AGGF1: variants seen among roughly 807,000 people sequenced by gnomAD.
The protein encoded by AGGF1 is angiogenic factor with G patch and FHA domains 1.
A neutral mutation model predicts 86.5 loss-of-function variants in AGGF1; 56 were observed. The observed-to-expected ratio is 0.65, with a 90% confidence interval of 0.52 to 0.81. The LOEUF (loss-of-function observed/expected upper bound fraction) is 0.81, where lower values mean the gene tolerates loss of function less well. AGGF1 is among the 30% of genes least tolerant of loss of function. AGGF1 has a pLI of 0.00. For missense variants in AGGF1, 816 were observed against 850.9 expected, an observed-to-expected ratio of 0.96 and a Z score of 0.51; for synonymous variants, 313 against 297.1, an observed-to-expected ratio of 1.05 and a Z score of -0.55.
At chr5:77,033,893 A>G (rs919294369) in intron 1 of AGGF1, among the ~76,000 whole-genome samples, 1 of 152,198 alleles carries the variant, frequency 6.6e-6, no homozygotes, top group Non-Finnish European at 1.5e-5. Context: ...TGTGAAGTAC[A>G]TGGAGGACAG....
At chr5:77,061,114 A>G (rs1005568587) in intron 12 of AGGF1, among the ~76,000 whole-genome samples, 2 of 152,202 alleles carry the variant, frequency 1.3e-5, no homozygotes, top group Admixed American at 6.5e-5. Context: ...TTATAAGTAT[A>G]TAGCTCAATG....
chr5:77,061,945 A>G (rs1463862923), intron 13 of AGGF1, 143 bp downstream of exon 13: 1 of 753,936 alleles, frequency 1.3e-6, no homozygotes, highest in Non-Finnish European at 2.3e-6. Flanking sequence ...GGCATTCACA[A>G]TTACCAAATA....
intron 5 of AGGF1, among the ~76,000 whole-genome samples, chr5:77,043,855 T>G (rs1176603800): frequency 8.2e-6 from 1 of 122,640 alleles, no homozygotes; most frequent in Non-Finnish European, 1.8e-5. Context: ...GTCTCCTCAC[T>G]TCTCAGACGG....
At chr5:77,050,280 T>C (rs1042429900) in intron 8 of AGGF1, among the ~76,000 whole-genome samples, 2 of 150,552 alleles carry the variant, frequency 1.3e-5, no homozygotes, top group Non-Finnish European at 3.0e-5. Flanking sequence ...GATAGTTCTA[T>C]GGTGGCTTTT....
chr5:77,036,078 C>G (rs1746962666), intron 3 of AGGF1: 1 of 282,484 alleles, frequency 3.5e-6, no homozygotes, highest in African/African-American at 2.3e-5. Flanking sequence ...TCCTTTATGT[C>G]AGATACCCTG....
At chr5:77,038,596 G>T (rs1747005929) in intron 4 of AGGF1, among the ~76,000 whole-genome samples, 2 of 152,154 alleles carry the variant, frequency 1.3e-5, no homozygotes, top group South Asian at 2.1e-4. Flanking sequence ...TTAAGAGAAA[G>T]ATGGTGAGAA....
In AGGF1 at chr5:77,050,306, C is replaced by CT. The variant is rs10595061; in HGVS notation, c.1365+1348dup. Among the ~76,000 whole-genome samples, 608 of 76,552 alleles carry CT rather than the reference C, an allele frequency of 7.9e-3. 40 individuals are homozygous for CT. Among genetic ancestry groups the CT allele is most frequent in the African/African-American group, 0.014 (237 of 17,298 alleles). 50.2% of individuals were successfully genotyped at this position (76,552 alleles called of 152,430 possible). The stretch of plus-strand genomic sequence containing the variant: ...GGTGGCTTTTTCTTTTTCTTTGTTT[C>CT]TTTTTTTTTTTTTTTTTTTTTTTTT... On this transcript the variant is annotated intron_variant, in intron 8 of 13. Coordinates refer to ENST00000312916, the MANE Select transcript of AGGF1 (RefSeq NM_018046.5).
chr5:77,053,650 A>G (rs1044571391), intron 9 of AGGF1, among the ~76,000 whole-genome samples: 3 of 152,208 alleles, frequency 2.0e-5, no homozygotes, highest in Non-Finnish European at 2.9e-5. Context: ...TTAACATTTC[A>G]TCTTTTTTTA....
chr5:77,062,595 G>A (rs937114648), intron 13 of AGGF1, among the ~76,000 whole-genome samples: 4 of 152,174 alleles, frequency 2.6e-5, no homozygotes, highest in Non-Finnish European at 5.9e-5. Context: ...GTAAATGGTA[G>A]CTTTGAATGT....
intron 11 of AGGF1, among the ~76,000 whole-genome samples, chr5:77,056,251 CAG>C (rs1158792780): frequency 9.9e-6 from 1 of 101,004 alleles, no homozygotes; most frequent in Admixed American, 1.5e-4. Context: ...TTTTTTGAGA[CAG>C]AGTCTTACTC....
Position 77,030,692 on chromosome 5 carries a change from C to G in AGGF1, c.-75C>G. ...TTCGCTGCCCGCGCGCTCCAGTGGT[C>G]TCTGGGTCCGCCGGCGTCCGTTTCG... On this transcript the variant is annotated 5_prime_UTR_variant, in exon 1 of 14. Coordinates refer to ENST00000312916, the MANE Select transcript of AGGF1 (RefSeq NM_018046.5). 6.7e-7 allele frequency: 1 copy of G among 1,498,386 alleles called. No homozygotes were observed. Among genetic ancestry groups the G allele is most frequent in the Non-Finnish European group, 9.0e-7 (1 of 1,117,310 alleles). 92.8% of individuals were successfully genotyped at this position (1,498,386 alleles called of 1,614,324 possible).
At position 77,046,565 on chromosome 5, in the gene AGGF1, G is replaced by A. The variant is rs748473825; in HGVS notation, c.1089G>A (p.Glu363=). Residue 363 remains glutamate, a synonymous_variant, in exon 6 of 14, where the codon GAG becomes GAA. Transcript: ENST00000312916. ...CATTTAAAGATGAGAAAATCATGGA[G>A]ACTGATAGTGAACCAGAGGAAGGTG... The part of the protein sequence containing the change: ...STSFKDEKIM[E]TDSEPEEGEI... 6.2e-7 allele frequency: 1 copy of A among 1,613,840 alleles called. No homozygotes were observed. Among genetic ancestry groups the A allele is most frequent in the Non-Finnish European group, 8.5e-7 (1 of 1,179,858 alleles).
Position 77,039,817 on chromosome 5 carries a change from A to T in AGGF1, c.870+98A>T, listed in dbSNP as rs538342810. 75 of 1,033,546 alleles carry T rather than the reference A, an allele frequency of 7.3e-5. No homozygotes were observed. In the Middle Eastern group the frequency reaches 1.2e-3, roughly 16 times the overall value. 64.0% of individuals were successfully genotyped at this position (1,033,546 alleles called of 1,614,324 possible). A position where few individuals can be genotyped will look rare whatever the true frequency, so the allele number is the denominator to read the frequency against. On this transcript the variant is annotated intron_variant, in intron 5 of 13. Transcript: ENST00000312916. ...ACTGACAATCATTCAATAACTCTGC[A>T]TTTCAAACATACCCATTAAGATAAC...
intron 5 of AGGF1, among the ~76,000 whole-genome samples, chr5:77,042,198 C>G (rs1241827156): frequency 1.3e-5 from 2 of 151,878 alleles, no homozygotes; most frequent in East Asian, 3.9e-4. Flanking sequence ...ATGAAGTCTC[C>G]CATGTCTACT....
At chr5:77,041,008 G>A (rs1427768612) in intron 5 of AGGF1, among the ~76,000 whole-genome samples, 1 of 152,162 alleles carries the variant, frequency 6.6e-6, no homozygotes, top group Non-Finnish European at 1.5e-5. Context: ...GATTATAGGC[G>A]TGAGCCACTG....
chr5:77,052,841 A>T, intron 9 of AGGF1, 34 bp downstream of exon 9: 1 of 1,507,638 alleles, frequency 6.6e-7, no homozygotes, highest in Non-Finnish European at 9.2e-7. Context: ...TTACCTGCAC[A>T]TTATTTTTAA....
At chr5:77,031,125 T>A in intron 1 of AGGF1, 149 bp downstream of exon 1, 1 of 854,222 alleles carries the variant, frequency 1.2e-6, no homozygotes. Context: ...CAGTTACAAT[T>A]CCAAGTACCT....
At position 77,030,486 on chromosome 5, in the gene AGGF1, T is replaced by G; in HGVS notation, c.-281T>G. The G allele has an allele frequency of 1.6e-6, 1 of 629,162 alleles. No homozygotes were observed. The highest frequency in any genetic ancestry group is 3.0e-6 in the Non-Finnish European group (1 of 338,630). 39.0% of individuals were successfully genotyped at this position (629,162 alleles called of 1,614,324 possible). A position where few individuals can be genotyped will look rare whatever the true frequency, so the allele number is the denominator to read the frequency against. Reference sequence around the variant, plus strand: ...CGACTGCTTATCCGACGCTCCTCCCTCTGTCTCTGTAGCTGGAGAAGGTAG... The same window carrying G: ...CGACTGCTTATCCGACGCTCCTCCCGCTGTCTCTGTAGCTGGAGAAGGTAG... On this transcript the variant is annotated 5_prime_UTR_variant, in exon 1 of 14. Coordinates refer to ENST00000312916, the MANE Select transcript of AGGF1 (RefSeq NM_018046.5).
At chr5:77,036,757 T>TGA (rs1409038786) in intron 4 of AGGF1, 37 bp downstream of exon 4, 1 of 1,606,918 alleles carries the variant, frequency 6.2e-7, no homozygotes, top group Admixed American at 1.7e-5. Context: ...GTTTTGTTTT[T>TGA]GAGACAGTCT....
Sources: allele counts gnomAD v4.1 joint callset (sites outside exome capture counted in the v4.1 genomes callset), GRCh38; gene constraint gnomAD v4.1.1; transcripts MANE v1.5; gene names NCBI Gene and HGNC (gene_info 2026-07-23, HGNC 2026-07-21).